The following RWDD3 variants were observed in gnomAD, a reference collection of about 807,000 sequenced individuals.
RWDD3 encodes the protein RWD domain containing 3, also known as RWD domain-containing protein 3.
A neutral mutation model predicts 26.5 loss-of-function variants in RWDD3; 30 were observed. That is an observed-to-expected ratio of 1.13 (90% CI 0.85 to 1.54). The LOEUF is 1.54. Among genes scored for constraint, RWDD3 ranks in the 40% most tolerant of loss-of-function variants. The pLI is 0.00. For missense variants in RWDD3, 296 were observed against 309.1 expected, an observed-to-expected ratio of 0.96 and a Z score of 0.32; for synonymous variants, 113 against 114.5, an observed-to-expected ratio of 0.99 and a Z score of 0.09.
chr1:95,234,359 AC>A, intron 1 of RWDD3, 44 bp downstream of exon 1: 2 of 1,537,326 alleles, frequency 1.3e-6, no homozygotes, highest in Non-Finnish European at 1.8e-6. Flanking sequence ...CTCAGGGGCC[AC>A]CCGCGTTCGC....
intron 1 of RWDD3, among the ~76,000 whole-genome samples, chr1:95,241,868 C>A (rs1006038486): frequency 1.3e-5 from 2 of 152,192 alleles, no homozygotes; most frequent in East Asian, 1.9e-4. Context: ...CCTCCCCACC[C>A]CCCCCAGGGG....
chr1:95,234,898 T>G (rs1680232499), intron 1 of RWDD3, among the ~76,000 whole-genome samples: 1 of 150,570 alleles, frequency 6.6e-6, no homozygotes, highest in Non-Finnish European at 1.5e-5. Context: ...GCTTTTCTGA[T>G]ACTTTTTTTT....
intron 1 of RWDD3, among the ~76,000 whole-genome samples, chr1:95,240,544 G>C (rs925409430): frequency 1.5e-4 from 23 of 152,168 alleles, no homozygotes; most frequent in African/African-American, 5.6e-4. Flanking sequence ...GATAATGGGA[G>C]CAAGAGGCAG....
At chr1:95,237,653 G>A (rs187635527) in intron 1 of RWDD3, among the ~76,000 whole-genome samples, 87 of 152,274 alleles carry the variant, frequency 5.7e-4, no homozygotes, top group African/African-American at 2.0e-3. Context: ...GGAGGGCTGT[G>A]GATAGACCAC....
intron 1 of RWDD3, among the ~76,000 whole-genome samples, chr1:95,236,680 T>A (rs1273122817): frequency 2.6e-5 from 4 of 152,234 alleles, no homozygotes; most frequent in Non-Finnish European, 5.9e-5. Flanking sequence ...TCTCCCTCTC[T>A]GTCTCCACTG....
At chr1:95,245,566 G>T (rs1680820168) in intron 2 of RWDD3, among the ~76,000 whole-genome samples, 1 of 152,118 alleles carries the variant, frequency 6.6e-6, no homozygotes, top group African/African-American at 2.4e-5. Context: ...CCACAAAACT[G>T]CTTTGGCATT....
intron 1 of RWDD3, among the ~76,000 whole-genome samples, chr1:95,236,162 C>T (rs527285411): frequency 6.6e-6 from 1 of 152,148 alleles, no homozygotes; most frequent in East Asian, 1.9e-4. Flanking sequence ...CCCATCTCTA[C>T]TAAAAATACA....
intron 1 of RWDD3, among the ~76,000 whole-genome samples, chr1:95,242,620 A>G (rs554881276): frequency 6.6e-6 from 1 of 151,784 alleles, no homozygotes; most frequent in Admixed American, 6.6e-5. Context: ...ATTTTTTTTT[A>G]AAAGGGTAAG....
intron 1 of RWDD3, among the ~76,000 whole-genome samples, chr1:95,235,704 A>C (rs2101091956): frequency 6.6e-6 from 1 of 151,942 alleles, no homozygotes; most frequent in Non-Finnish European, 1.5e-5. Flanking sequence ...TTTATTAGTC[A>C]TTTAGCCCAC....
chr1:95,237,171 T>C (rs1273737679), intron 1 of RWDD3, among the ~76,000 whole-genome samples: 1 of 152,132 alleles, frequency 6.6e-6, no homozygotes, highest in Admixed American at 6.5e-5. Context: ...TTTTTTTTTT[T>C]TCCCATGATT....
Position 95,244,412 on chromosome 1 carries a change from C to T in RWDD3, c.287C>T (p.Ser96Leu), listed in dbSNP as rs370339354. The T allele has an allele frequency of 2.5e-5, 40 of 1,614,030 alleles. No homozygotes were observed. Among genetic ancestry groups the T allele is most frequent in the South Asian group, 1.8e-4 (16 of 91,076 alleles). Reference sequence around the variant, plus strand: ...CTTGAGCAAGCAGAGAGCCTTTTGTCGGAGCCTATGGTTCATGAGCTGGTT... The same window carrying T: ...CTTGAGCAAGCAGAGAGCCTTTTGTTGGAGCCTATGGTTCATGAGCTGGTT... ...NLLEQAESLLSEPMVHELVLW... is the reference protein window; with the variant it reads ...NLLEQAESLLLEPMVHELVLW... The change falls in exon 2 of 4, where the codon TCG (serine) becomes TTG (leucine). Residue 96 changes from serine to leucine, a missense_variant. Transcript: ENST00000370202.
In RWDD3 at chr1:95,244,465, A is replaced by G. The variant is rs1312727867; in HGVS notation, c.340A>G (p.Ile114Val). The G allele has an allele frequency of 3.1e-6, 5 of 1,614,214 alleles. No homozygotes were observed. In the East Asian group the frequency reaches 8.9e-5, roughly 29 times the overall value. ...CTGGATTCAGCAGAATCTCAGGCAT[A>G]TCCTCAGCCAACCAGAAACTGGCAG... is the stretch of plus-strand genomic sequence containing the variant. The part of the protein sequence containing the change: ...VLWIQQNLRH[I>V]LSQPETGSGS... Residue 114 changes from isoleucine to valine, a missense_variant, in exon 2 of 4, where the codon ATC becomes GTC. Ile to Val is a conservative substitution (Grantham distance 29). Coordinates refer to ENST00000370202, the MANE Select transcript of RWDD3 (RefSeq NM_015485.5).
At chr1:95,238,555 G>A (rs1384303834) in intron 1 of RWDD3, among the ~76,000 whole-genome samples, 1 of 151,336 alleles carries the variant, frequency 6.6e-6, no homozygotes, top group Non-Finnish European at 1.5e-5. Context: ...AGTATGAGAG[G>A]GTGCTGAAGG....
Position 95,246,891 on chromosome 1 carries a change from T to C in RWDD3, c.*21T>C. 1 of 1,373,188 alleles carries C rather than the reference T, an allele frequency of 7.3e-7. No homozygotes were observed. The highest frequency in any genetic ancestry group is 9.9e-7 in the Non-Finnish European group (1 of 1,013,370). The allele number at this position is 1,373,188 out of a possible 1,614,324, so 85.1% of individuals were successfully genotyped here. On this transcript the variant is annotated 3_prime_UTR_variant, in exon 4 of 4. Coordinates refer to ENST00000370202, the MANE Select transcript of RWDD3 (RefSeq NM_015485.5). ...AATGAAATGGAAGACAGGAATCTTT[T>C]AGTAAAATAGCAGTGTTTTTTGTTG...
chr1:95,243,572 C>T (rs1680722509), intron 1 of RWDD3: 1 of 152,472 alleles, frequency 6.6e-6, no homozygotes, highest in Non-Finnish European at 1.5e-5. Context: ...GTGTGCTTTC[C>T]CCTTCCTTCT....
At chr1:95,242,193 G>A (rs1680661032) in intron 1 of RWDD3, among the ~76,000 whole-genome samples, 1 of 152,198 alleles carries the variant, frequency 6.6e-6, no homozygotes, top group African/African-American at 2.4e-5. Flanking sequence ...AGACATTTAT[G>A]TTTATATAAA....
intron 1 of RWDD3, among the ~76,000 whole-genome samples, chr1:95,237,964 G>T (rs774312528): frequency 2.0e-5 from 3 of 152,228 alleles, no homozygotes; most frequent in Admixed American, 1.3e-4. Context: ...TGAGCACCCA[G>T]AGAAAAGATA....
Position 95,238,416 on chromosome 1 carries a change from G to GT in RWDD3, c.85+4114dup, listed in dbSNP as rs200439924. On this transcript the variant is annotated intron_variant, in intron 1 of 3. Coordinates refer to ENST00000370202, the MANE Select transcript of RWDD3 (RefSeq NM_015485.5). ...CTACTTTTAGCTTCATTTATTTTTA[G>GT]TTTTTTTTTTTTTCTTCTGAAGCTA... 3.1e-3 allele frequency among the ~76,000 whole-genome samples: 456 copies of GT among 145,458 alleles called. 2 individuals are homozygous for GT. Among genetic ancestry groups the GT allele is most frequent in the East Asian group, 0.022 (112 of 5,042 alleles).
At chr1:95,235,075 C>T (rs1680253244) in intron 1 of RWDD3, among the ~76,000 whole-genome samples, 1 of 151,044 alleles carries the variant, frequency 6.6e-6, no homozygotes, top group South Asian at 2.1e-4. Context: ...AAGACGGAGT[C>T]TTGCTTTGTC....
Sources: allele counts gnomAD v4.1 joint callset (sites outside exome capture counted in the v4.1 genomes callset), GRCh38; gene constraint gnomAD v4.1.1; transcripts MANE v1.5; gene names NCBI Gene and HGNC (gene_info 2026-07-23, HGNC 2026-07-21).